Variants in PELI1 observed in about 807,000 individuals in gnomAD.
PELI1 encodes the protein E3 ubiquitin-protein ligase pellino homolog 1.
Under a neutral mutation model 41.3 loss-of-function variants are expected in PELI1, and 15 were observed. The observed-to-expected ratio is 0.36, with a 90% CI of 0.24 to 0.56. The LOEUF (loss-of-function observed/expected upper bound fraction) is 0.56. Among genes scored for constraint, PELI1 ranks in the 20% least tolerant of loss-of-function variants. The pLI is 0.82. For missense variants in PELI1, 403 were observed against 525.5 expected (o/e 0.77, Z 2.28); for synonymous variants, 178 against 180.1 (o/e 0.99, Z 0.09).
intron 1 of PELI1, among the ~76,000 whole-genome samples, chr2:64,133,653 G>T (rs941105696): frequency 1.9e-4 from 29 of 152,028 alleles, no homozygotes; most frequent in Non-Finnish European, 4.0e-4. Context: ...GTCACATATT[G>T]AGAAGATAAA....
At chr2:64,108,486 C>T in intron 1 of PELI1, 107 bp from the exon 2 acceptor site, 1 of 563,914 alleles carries the variant, frequency 1.8e-6, no homozygotes, top group Non-Finnish European at 3.2e-6. Context: ...CAAACCATCA[C>T]AAGGTATATA....
rs554400119 is a variant in PELI1, at chr2:64,115,931, T to C, written c.-69-7552A>G. On this transcript the variant is annotated intron_variant, in intron 1 of 6. Transcript: ENST00000358912. ...ACCTTTGTCACTTCCTCAATGTTCA[T>C]TGTATTTGTCAACCATTTCCTGGTA... is the stretch of plus-strand genomic sequence containing the variant. Among the ~76,000 whole-genome samples the C allele has an allele frequency of 7.9e-5, 12 of 152,364 alleles. No individual in the cohort carries two copies. In the East Asian group the frequency reaches 1.5e-3, roughly 20 times the overall value.
rs765740301 is a variant in PELI1 at position 64,136,151 on chromosome 2, A to AT, written c.-70+7929dup. 9.7e-4 allele frequency among the ~76,000 whole-genome samples: 147 copies of AT among 152,322 alleles called. No homozygotes were observed. The Middle Eastern group carries it at 0.01, about 11-fold the overall frequency. ...AAATAAGTTACACTTCAGTATGGTCATCATCATAGAAGTTCAAAGATCTTT... is the reference window on the plus strand; with the variant it reads ...AAATAAGTTACACTTCAGTATGGTCATTCATCATAGAAGTTCAAAGATCTTT... On this transcript the variant is annotated intron_variant, in intron 1 of 6. Transcript: ENST00000358912.
chr2:64,124,224 T>G (rs1442219756), intron 1 of PELI1, among the ~76,000 whole-genome samples: 1 of 152,156 alleles, frequency 6.6e-6, no homozygotes, highest in African/African-American at 2.4e-5. Flanking sequence ...GTTCTAAAAT[T>G]GATTGTGCTG....
Position 64,097,836 on chromosome 2 carries a change from T to C in PELI1, c.304-1226A>G, listed in dbSNP as rs568801253. Among the ~76,000 whole-genome samples the C allele has an allele frequency of 9.1e-4, 139 of 152,366 alleles. 1 individual carries two copies. Among genetic ancestry groups the C allele is most frequent in the African/African-American group, 3.3e-3 (136 of 41,594 alleles). On this transcript the variant is annotated intron_variant, in intron 4 of 6. Transcript: ENST00000358912. ...CCAACTGTCAAGTATAAAGTCTTTT[T>C]ATTTAGATTGGATAGTTTTAGAGGG...
chr2:64,111,565 T>G (rs1680808950), intron 1 of PELI1, among the ~76,000 whole-genome samples: 2 of 152,228 alleles, frequency 1.3e-5, no homozygotes, highest in Non-Finnish European at 2.9e-5. Flanking sequence ...TTACGGTATT[T>G]AAAAGGTTAC....
intron 1 of PELI1, among the ~76,000 whole-genome samples, chr2:64,115,979 G>T (rs577928405): frequency 6.6e-6 from 1 of 152,256 alleles, no homozygotes; most frequent in East Asian, 1.9e-4. Context: ...AAATATTTCA[G>T]TAAATAAAGT....
intron 3 of PELI1, among the ~76,000 whole-genome samples, chr2:64,102,113 T>C (rs1177375745): frequency 2.0e-5 from 3 of 151,950 alleles, no homozygotes; most frequent in Admixed American, 6.6e-5. Flanking sequence ...GCGTGAGCCA[T>C]TGTGCCTGGC....
chr2:64,117,879 A>G (rs559130541), intron 1 of PELI1, among the ~76,000 whole-genome samples: 11 of 151,730 alleles, frequency 7.2e-5, no homozygotes, highest in African/African-American at 2.7e-4. Context: ...GAGCGATCTC[A>G]GCTCACTGCA....
rs1479899190 is a variant in PELI1 at position 64,104,709 on chromosome 2, C to T, written c.193G>A (p.Ala65Thr). 6.4e-7 allele frequency: 1 copy of T among 1,573,964 alleles called. No homozygotes were observed. Among genetic ancestry groups the T allele is most frequent in the Non-Finnish European group, 8.6e-7 (1 of 1,164,248 alleles). ...TTTTTTTTTTTTTTTACCTTTGCAG[C>T]CTGAGGAGTACAAGCAATATGCACA... ...STVHIACTPQ[A>T]AKAISNKDQH... Residue 65 changes from alanine (A) to threonine (T), a missense_variant, in exon 3 of 7, where the codon GCT (alanine) becomes ACT (threonine). By Grantham distance (58) the Ala-to-Thr change is moderately conservative. Transcript: ENST00000358912.
At chr2:64,125,003 T>A (rs1446942295) in intron 1 of PELI1, among the ~76,000 whole-genome samples, 1 of 152,060 alleles carries the variant, frequency 6.6e-6, no homozygotes, top group Non-Finnish European at 1.5e-5. Flanking sequence ...AAAACACTTC[T>A]TTTATGTTTA....
chr2:64,128,406 T>C (rs1681456660), intron 1 of PELI1, among the ~76,000 whole-genome samples: 1 of 152,140 alleles, frequency 6.6e-6, no homozygotes, highest in African/African-American at 2.4e-5. Context: ...TTACACATGA[T>C]ATATTTTTCT....
chr2:64,140,088 AT>A (rs1393678113), intron 1 of PELI1, among the ~76,000 whole-genome samples: 1 of 152,246 alleles, frequency 6.6e-6, no homozygotes, highest in East Asian at 1.9e-4. Flanking sequence ...AGCCAAAAAA[AT>A]AATAGAAAAA....
chr2:64,142,288 G>A (rs1039115496), intron 1 of PELI1, among the ~76,000 whole-genome samples: 1 of 151,964 alleles, frequency 6.6e-6, no homozygotes, highest in Middle Eastern at 3.2e-3. Context: ...AGGTTAGAAG[G>A]CTTTGGGAAA....
intron 1 of PELI1, among the ~76,000 whole-genome samples, chr2:64,136,586 G>A (rs1302724224): frequency 6.6e-6 from 1 of 152,158 alleles, no homozygotes; most frequent in Non-Finnish European, 1.5e-5. Context: ...CTACTTCATG[G>A]CATTACATTT....
intron 3 of PELI1, among the ~76,000 whole-genome samples, chr2:64,100,945 G>C (rs1361783558): frequency 6.6e-6 from 1 of 152,008 alleles, no homozygotes; most frequent in Non-Finnish European, 1.5e-5. Flanking sequence ...GCCCAGGCTG[G>C]TCTTGAACTC....
chr2:64,130,076 T>G (rs571257630), intron 1 of PELI1, among the ~76,000 whole-genome samples: 1 of 152,358 alleles, frequency 6.6e-6, no homozygotes, highest in South Asian at 2.1e-4. Context: ...TTTTGAGATT[T>G]TGAATCATGT....
At chr2:64,130,273 G>T (rs990424128) in intron 1 of PELI1, among the ~76,000 whole-genome samples, 3 of 152,018 alleles carry the variant, frequency 2.0e-5, no homozygotes, top group Non-Finnish European at 1.5e-5. Context: ...CGAGTAGCTG[G>T]GACTACAGGC....
chr2:64,123,744 C>T (rs1681297881), intron 1 of PELI1, among the ~76,000 whole-genome samples: 1 of 152,100 alleles, frequency 6.6e-6, no homozygotes, highest in Non-Finnish European at 1.5e-5. Context: ...GCAGTTCCTC[C>T]AGATTAAACA....
Sources: allele counts gnomAD v4.1 joint callset (sites outside exome capture counted in the v4.1 genomes callset), GRCh38; gene constraint gnomAD v4.1.1; transcripts MANE v1.5; gene names NCBI Gene and HGNC (gene_info 2026-07-23, HGNC 2026-07-21).